HERC1: variants seen among roughly 807,000 people sequenced by gnomAD.
The protein encoded by HERC1 is HECT and RLD domain containing E3 ubiquitin protein ligase family member 1.
Under a neutral mutation model 554.3 loss-of-function variants are expected in HERC1, and 160 were observed. The observed-to-expected ratio is 0.29, with a 90% confidence interval of 0.25 to 0.33. The LOEUF is 0.33. HERC1 is among the 10% of genes least tolerant of loss of function. The pLI, the probability that HERC1 is intolerant of heterozygous loss-of-function variation, is 1.00. For missense variants in HERC1, 4,919 were observed against 5,918.5 expected, an observed-to-expected ratio of 0.83 and a Z score of 5.54; for synonymous variants, 2,175 against 2,131.7, an observed-to-expected ratio of 1.02 and a Z score of -0.56.
In HERC1 at chr15:63,767,295, G is replaced by A. The variant is rs1473289575; in HGVS notation, c.931-3104C>T. Among the ~76,000 whole-genome samples, 4 of 151,776 alleles carry A rather than the reference G, an allele frequency of 2.6e-5. No homozygotes were observed. In the South Asian group the frequency reaches 6.4e-4, roughly 24 times the overall value. ...TGGGATTACAGGCGTGAGCCACCGC[G>A]CCTGGCCTATAGGTTTTAAGTTGCT... On this transcript the variant is annotated intron_variant, in intron 2 of 77. Transcript: ENST00000443617.
chr15:63,622,955 A>G, intron 73 of HERC1, 64 bp from the exon 74 acceptor site: 3 of 936,670 alleles, frequency 3.2e-6, no homozygotes, highest in East Asian at 2.7e-5. Flanking sequence ...GAACAAACCA[A>G]TTACAAGATC....
chr15:63,788,355 A>G (rs2076522536), intron 1 of HERC1, among the ~76,000 whole-genome samples: 1 of 152,228 alleles, frequency 6.6e-6, no homozygotes. Context: ...TTGGGATACT[A>G]CCGAAATAAA....
rs1368387674 is a variant in HERC1 at position 63,680,794 on chromosome 15, T to C, written c.6226-18A>G. On this transcript the variant is annotated intron_variant, in intron 34 of 77. Transcript: ENST00000443617. The surrounding 1 kb of genome is among the most constrained non-coding windows in gnomAD (Gnocchi z 5.8). ...ATATAAAACTAAAATAAAAGTGGGA[T>C]ATTCATTAATACTCAAAAAATCTAT... The C allele has an allele frequency of 1.3e-6, 2 of 1,564,494 alleles. No homozygotes were observed. The highest frequency in any genetic ancestry group is 2.7e-5 in the African/African-American group (2 of 73,862).
chr15:63,778,380 T>C (rs1166761209), intron 1 of HERC1, among the ~76,000 whole-genome samples: 1 of 152,158 alleles, frequency 6.6e-6, no homozygotes, highest in Non-Finnish European at 1.5e-5. Context: ...AGGGAAGAGA[T>C]TTTAAAGTAC....
intron 31 of HERC1, 125 bp from the exon 32 acceptor site, chr15:63,690,772 T>A (rs2072059580): frequency 3.2e-6 from 2 of 634,150 alleles, no homozygotes; most frequent in Non-Finnish European, 5.7e-6. Context: ...GATTTCAAAC[T>A]ATTATCGCAA....
intron 1 of HERC1, chr15:63,779,659 C>A (rs1382911774): frequency 1.3e-5 from 2 of 152,134 alleles, no homozygotes; most frequent in African/African-American, 4.8e-5. Flanking sequence ...GACTTGATTA[C>A]AATAGGCTTA....
In HERC1 at chr15:63,618,808, G is replaced by C. The variant is rs181952425; in HGVS notation, c.13689-2126C>G. The stretch of plus-strand genomic sequence containing the variant: ...TGATTTGGCTCTCTGTCTGTTATTG[G>C]TGTATAAGAATGTTTGTGATTTTTG... On this transcript the variant is annotated intron_variant, in intron 74 of 77. Transcript: ENST00000443617. 4.7e-4 allele frequency among the ~76,000 whole-genome samples: 71 copies of C among 152,292 alleles called. 1 individual carries two copies. The highest frequency in any genetic ancestry group is 1.7e-3 in the Admixed American group (26 of 15,296).
intron 69 of HERC1, among the ~76,000 whole-genome samples, chr15:63,630,143 G>A (rs1401526631): frequency 6.6e-6 from 1 of 152,148 alleles, no homozygotes; most frequent in East Asian, 1.9e-4. Context: ...AATGTTGACA[G>A]TAGCAAATCC....
At position 63,690,616 on chromosome 15, in the gene HERC1, C is replaced by G. The variant is rs764966473; in HGVS notation, c.5862G>C (p.Arg1954Ser). 1.5e-5 allele frequency: 24 copies of G among 1,612,326 alleles called. No individual in the cohort carries two copies. Among genetic ancestry groups the G allele is most frequent in the Admixed American group, 5.0e-5 (3 of 59,980 alleles). ...GIPLVGNLRT[R>S]LLALHVLEAV... ...CTTCAAGGACATGAAGTGCAAGGAG[C>G]CTTGTTCTTAAGTTACCAACCAGAG... Residue 1954 changes from arginine to serine, a missense_variant, in exon 32 of 78, where the codon AGG becomes AGC. Coordinates refer to ENST00000443617, the MANE Select transcript of HERC1 (RefSeq NM_003922.4).
chr15:63,812,775 A>C (rs981171050), intron 1 of HERC1, among the ~76,000 whole-genome samples: 1 of 152,176 alleles, frequency 6.6e-6, no homozygotes, highest in Admixed American at 6.5e-5. Context: ...AATTATAAAG[A>C]AAAAATAAAA....
At chr15:63,614,039 T>C (rs1193333148) in intron 76 of HERC1, among the ~76,000 whole-genome samples, 1 of 152,026 alleles carries the variant, frequency 6.6e-6, no homozygotes. Context: ...TGCTTGGAGA[T>C]GGCAGGGGGA....
In HERC1 at chr15:63,664,454, C is replaced by T. The variant is rs769724185; in HGVS notation, c.8680+16G>A. 17 of 1,601,276 alleles carry T rather than the reference C, an allele frequency of 1.1e-5. No homozygotes were observed. Among genetic ancestry groups the T allele is most frequent in the South Asian group, 4.5e-5 (4 of 89,522 alleles). On this transcript the variant is annotated intron_variant, in intron 43 of 77. Transcript: ENST00000443617. The stretch of plus-strand genomic sequence containing the variant: ...AAGATCTTTCACAAAGAAAAGGATA[C>T]GGAACATAAAATTACCTGCTCTTGC...
At position 63,652,470 on chromosome 15, in the gene HERC1, T is replaced by A. The variant is rs768799045; in HGVS notation, c.10362A>T (p.Val3454=). ...ATSGNDGTIR[V]WNVTKKQYSL... ...AATATTGCTTCTTGGTAACATTCCA[T>A]ACGCGGATGGTGCCATCATTGCCAC... The change falls in exon 52 of 78, where the codon GTA becomes GTT. Residue 3454 remains valine (V), a synonymous_variant. Coordinates refer to ENST00000443617, the MANE Select transcript of HERC1 (RefSeq NM_003922.4). 6.2e-7 allele frequency: 1 copy of A among 1,611,808 alleles called. No homozygotes were observed. The highest frequency in any genetic ancestry group is 8.5e-7 in the Non-Finnish European group (1 of 1,178,682).
intron 60 of HERC1, 33 bp downstream of exon 60, chr15:63,641,437 T>C: frequency 6.4e-7 from 1 of 1,554,630 alleles, no homozygotes; most frequent in South Asian, 1.2e-5. Context: ...ACCAGGTATC[T>C]GTGTATCTCT....
chr15:63,723,664 A>G (rs2140626525), intron 18 of HERC1, among the ~76,000 whole-genome samples: 1 of 152,226 alleles, frequency 6.6e-6, no homozygotes, highest in East Asian at 1.9e-4. Flanking sequence ...GGCCAGAGAA[A>G]CTAAATGTCC....
chr15:63,623,886 G>A lies in HERC1; in HGVS notation c.13450C>T (p.Arg4484Trp), dbSNP rs1019805260. Residue 4484 changes from arginine to tryptophan, a missense_variant, in exon 73 of 78, where the codon CGG becomes TGG. Arg to Trp is a moderately radical substitution (Grantham distance 101). Coordinates refer to ENST00000443617, the MANE Select transcript of HERC1 (RefSeq NM_003922.4). ...TGGACAAAAATAGGCTTACACTTCCGTCCTCTTTAAAAGAAAGGGAGAAAG... is the reference window on the plus strand; with the variant it reads ...TGGACAAAAATAGGCTTACACTTCCATCCTCTTTAAAAGAAAGGGAGAAAG... ...ITVKRISTRG[R>W]KCKPIFVQIA... 3.7e-6 allele frequency: 6 copies of A among 1,613,534 alleles called. No homozygotes were observed. The highest frequency in any genetic ancestry group is 5.1e-6 in the Non-Finnish European group (6 of 1,179,670).
chr15:63,755,128 A>G (rs1032035000), intron 6 of HERC1, 101 bp downstream of exon 6: 3 of 755,286 alleles, frequency 4.0e-6, no homozygotes, highest in African/African-American at 3.5e-5. Context: ...AACAAAATAA[A>G]TGACAGTCTT....
At chr15:63,735,642 T>C (rs915730884) in intron 12 of HERC1, among the ~76,000 whole-genome samples, 7 of 152,116 alleles carry the variant, frequency 4.6e-5, no homozygotes, top group Admixed American at 2.6e-4. Context: ...ATCTTAGGCC[T>C]CATAACTTCT....
intron 1 of HERC1, among the ~76,000 whole-genome samples, chr15:63,830,644 A>G (rs2146158423): frequency 6.6e-6 from 1 of 152,378 alleles, no homozygotes; most frequent in East Asian, 1.9e-4. Flanking sequence ...TAAGTTGTTA[A>G]CATTAGGGGG....
Sources: gnomAD v4.1 joint callset for allele counts (sites outside exome capture counted in the v4.1 genomes callset) on GRCh38, gnomAD v4.1.1 for gene constraint, Gnocchi (gnomAD v3.1) non-coding constraint, MANE v1.5 for transcripts, NCBI Gene and HGNC (gene_info 2026-07-23, HGNC 2026-07-21) for gene names.